ATCAY: variants seen among roughly 807,000 people sequenced by gnomAD.
The protein encoded by ATCAY is caytaxin.
ATCAY carries 22 observed loss-of-function variants against 47.7 expected under a neutral mutation model. The ratio of observed to expected loss-of-function variants is 0.46; its 90% CI spans 0.33 to 0.66. The LOEUF (loss-of-function observed/expected upper bound fraction) is 0.66, where lower values mean the gene tolerates loss of function less well. Ranked by LOEUF, ATCAY falls within the 30% of genes least tolerant of loss-of-function variation. The pLI, the probability that ATCAY is intolerant of heterozygous loss-of-function variation, is 0.02. For missense variants in ATCAY, 452 were observed against 515.0 expected (o/e 0.88, Z 1.18); for synonymous variants, 216 against 207.6 (o/e 1.04, Z -0.35).
chr19:3,884,030 AC>A (rs1006457743), intron 1 of ATCAY, among the ~76,000 whole-genome samples: 14 of 152,024 alleles, frequency 9.2e-5, no homozygotes, highest in Admixed American at 9.2e-4. Flanking sequence ...GTGGGGCGGC[AC>A]AGTGGCTCAC....
intron 11 of ATCAY, among the ~76,000 whole-genome samples, chr19:3,920,082 G>A (rs954650650): frequency 2.0e-5 from 3 of 152,276 alleles, no homozygotes; most frequent in South Asian, 4.1e-4. Context: ...TGTGGCTCAC[G>A]CCTGTAATCC....
At chr19:3,899,583 A>G (rs547019655) in intron 2 of ATCAY, among the ~76,000 whole-genome samples, 109 of 152,110 alleles carry the variant, frequency 7.2e-4, no homozygotes, top group African/African-American at 2.6e-3. Flanking sequence ...CCTAAGTGCC[A>G]GGATTACAGG....
At chr19:3,882,394 T>C (rs1324921230) in intron 1 of ATCAY, among the ~76,000 whole-genome samples, 1 of 152,102 alleles carries the variant, frequency 6.6e-6, no homozygotes, top group African/African-American at 2.4e-5. Flanking sequence ...CATAGCTCAC[T>C]GCAGTCTCGA....
chr19:3,915,668 C>T (rs1269388968), intron 9 of ATCAY, among the ~76,000 whole-genome samples: 1 of 151,156 alleles, frequency 6.6e-6, no homozygotes, highest in Non-Finnish European at 1.5e-5. Context: ...TCTCCTGCCT[C>T]AGCCTCCCCA....
At chr19:3,896,922 G>A (rs540002382) in intron 2 of ATCAY, among the ~76,000 whole-genome samples, 1 of 151,898 alleles carries the variant, frequency 6.6e-6, no homozygotes, top group Non-Finnish European at 1.5e-5. Flanking sequence ...GATTACAGGC[G>A]CCCGCCACCA....
chr19:3,907,798 C>T lies in ATCAY; in HGVS notation c.423C>T (p.Gly141=), dbSNP rs750482207. The T allele has an allele frequency of 9.3e-6, 15 of 1,613,884 alleles. No homozygotes were observed. Among genetic ancestry groups the T allele is most frequent in the Middle Eastern group, 1.6e-4 (1 of 6,084 alleles). ...PGDSADLFGD[G]TTEDGSAANG... ...ACAGCGCGGATCTATTTGGGGACGG[C>T]ACGACGGAGGACGGCAGCGCCGCCA... is the stretch of plus-strand genomic sequence containing the variant. The change falls in exon 5 of 13, where the codon GGC becomes GGT. Residue 141 remains glycine (G), a synonymous_variant. Transcript: ENST00000450849. This position sits in a 1 kb window ranked among gnomAD's most constrained non-coding sequence, Gnocchi z 5.1.
At chr19:3,894,507 A>T (rs1568445521) in intron 2 of ATCAY, among the ~76,000 whole-genome samples, 1 of 147,762 alleles carries the variant, frequency 6.8e-6, no homozygotes, top group African/African-American at 2.5e-5. Flanking sequence ...AAAAAAAATT[A>T]GCTGGACATA....
intron 2 of ATCAY, chr19:3,895,278 G>A (rs534018767): frequency 6.6e-6 from 3 of 454,158 alleles, no homozygotes; most frequent in African/African-American, 2.0e-5. Context: ...GCAATGGCAC[G>A]ATCTCAGCTC....
chr19:3,894,394 G>A (rs2038746254), intron 2 of ATCAY, among the ~76,000 whole-genome samples: 1 of 150,498 alleles, frequency 6.6e-6, no homozygotes, highest in Non-Finnish European at 1.5e-5. Flanking sequence ...TGAGGCAGGA[G>A]AATGGCGTGA....
rs1359007832 is a variant in ATCAY, at chr19:3,927,873, G to T, written c.*3281G>T. 1 of 152,234 alleles carries T rather than the reference G, an allele frequency of 6.6e-6. No individual in the cohort carries two copies. Among genetic ancestry groups the T allele is most frequent in the African/African-American group, 2.4e-5 (1 of 41,464 alleles). The allele number at this position is 152,234 out of a possible 1,614,324, so 9.4% of individuals were successfully genotyped here. The stretch of plus-strand genomic sequence containing the variant: ...TGGACCCCGACCCCTCCTCGTAAAA[G>T]GATGTTGGGTTTCCCTCTGGTGACA... On this transcript the variant is annotated 3_prime_UTR_variant, in exon 13 of 13. Coordinates refer to ENST00000450849, the MANE Select transcript of ATCAY (RefSeq NM_033064.5).
In ATCAY at chr19:3,928,000, T is replaced by C. The variant is rs2039083146; in HGVS notation, c.*3408T>C. 2 of 152,344 alleles carry C rather than the reference T, an allele frequency of 1.3e-5. No homozygotes were observed. The highest frequency in any genetic ancestry group is 1.3e-4 in the Admixed American group (2 of 15,290). 9.4% of individuals were successfully genotyped at this position (152,344 alleles called of 1,614,324 possible). ...TCAGAACAGAAATGATCACTACGAT[T>C]GACGACGGTCGTGATGTTAAGACGT... On this transcript the variant is annotated 3_prime_UTR_variant, in exon 13 of 13. Transcript: ENST00000450849.
rs893358405 is a variant in ATCAY, at chr19:3,922,249, C to G, written c.1106+1451C>G. ...TGAGTGTTATTAGTCCATTCTCATG[C>G]TGCTATGAAGAAATACCCAAGACCG... On this transcript the variant is annotated intron_variant, in intron 12 of 12. Transcript: ENST00000450849. 7.1e-6 allele frequency: 5 copies of G among 700,060 alleles called. No individual in the cohort carries two copies. In the African/African-American group the frequency reaches 8.8e-5, roughly 12 times the overall value. The allele number at this position is 700,060 out of a possible 1,614,324, so 43.4% of individuals were successfully genotyped here.
At position 3,880,696 on chromosome 19, in the gene ATCAY, C is replaced by T. The variant is rs2038589547; in HGVS notation, c.-354C>T. 1 of 152,280 alleles carries T rather than the reference C, an allele frequency of 6.6e-6. No individual in the cohort carries two copies. The highest frequency in any genetic ancestry group is 2.1e-4 in the South Asian group (1 of 4,846). The allele number at this position is 152,280 out of a possible 1,614,324, so 9.4% of individuals were successfully genotyped here. ...TCGGGAAGCCGAGCCTCTGCCAGCC[C>T]TGAGCTGGGAAGAAGCAGCTACCTC... is the stretch of plus-strand genomic sequence containing the variant. On this transcript the variant is annotated 5_prime_UTR_variant, in exon 1 of 13. Coordinates refer to ENST00000450849, the MANE Select transcript of ATCAY (RefSeq NM_033064.5).
chr19:3,892,835 G>A (rs900843137), intron 2 of ATCAY, among the ~76,000 whole-genome samples: 21 of 152,030 alleles, frequency 1.4e-4, no homozygotes, highest in Non-Finnish European at 2.4e-4. Context: ...TTAAACCCAG[G>A]AGGCAGAAGT....
chr19:3,891,599 G>A (rs569668488), intron 2 of ATCAY, among the ~76,000 whole-genome samples: 1 of 151,920 alleles, frequency 6.6e-6, no homozygotes, highest in Admixed American at 6.6e-5. Context: ...GGAGGGATGA[G>A]CCGGGGAAGG....
intron 2 of ATCAY, 70 bp downstream of exon 2, chr19:3,885,914 G>A (rs2038647589): frequency 1.1e-5 from 16 of 1,491,198 alleles, no homozygotes; most frequent in Admixed American, 3.9e-5. Flanking sequence ...ACACAGGAGC[G>A]GCCCGGGTCT....
At chr19:3,921,176 G>T (rs1482758273) in intron 12 of ATCAY, among the ~76,000 whole-genome samples, 1 of 152,162 alleles carries the variant, frequency 6.6e-6, no homozygotes, top group South Asian at 2.1e-4. Context: ...GACTGTCCAC[G>T]CTCTGCCTCC....
chr19:3,915,464 C>T (rs1000436834), intron 9 of ATCAY, among the ~76,000 whole-genome samples: 3 of 151,766 alleles, frequency 2.0e-5, no homozygotes, highest in South Asian at 2.1e-4. Flanking sequence ...GGATTACAGG[C>T]GTGAGCCACT....
intron 10 of ATCAY, among the ~76,000 whole-genome samples, chr19:3,918,098 C>T (rs1179685804): frequency 3.9e-5 from 6 of 152,040 alleles, no homozygotes; most frequent in Non-Finnish European, 7.4e-5. Flanking sequence ...AAGACGGGCG[C>T]GGTGGCTCAC....
Sources: gnomAD v4.1 joint callset for allele counts (sites outside exome capture counted in the v4.1 genomes callset) on GRCh38, gnomAD v4.1.1 for gene constraint, Gnocchi (gnomAD v3.1) non-coding constraint, MANE v1.5 for transcripts, NCBI Gene and HGNC (gene_info 2026-07-23, HGNC 2026-07-21) for gene names.